The following SHANK2 variants were observed in gnomAD, a reference collection of about 807,000 sequenced individuals.
SHANK2 encodes SH3 and multiple ankyrin repeat domains protein 2.
Under a neutral mutation model 133.7 loss-of-function variants are expected in SHANK2, and 43 were observed. That is an observed-to-expected ratio of 0.32 (90% CI 0.25 to 0.41). The LOEUF is 0.41. Ranked by LOEUF, SHANK2 falls within the 10% of genes least tolerant of loss-of-function variation. The pLI is 1.00. For synonymous variants in SHANK2, 1,017 were observed against 952.8 expected, an observed-to-expected ratio of 1.07 and a Z score of -1.24; for missense variants, 1,994 against 2,235.8, an observed-to-expected ratio of 0.89 and a Z score of 2.18.
chr11:70,633,158 CATATTT>C (rs1258161345), intron 17 of SHANK2, among the ~76,000 whole-genome samples: 3 of 149,116 alleles, frequency 2.0e-5, no homozygotes, highest in African/African-American at 7.4e-5. Flanking sequence ...TTATATATAA[CATATTT>C]ATACATATAT....
intron 17 of SHANK2, among the ~76,000 whole-genome samples, chr11:70,600,872 C>T (rs544492743): frequency 2.1e-4 from 32 of 152,216 alleles, no homozygotes; most frequent in African/African-American, 7.0e-4. Context: ...AACAGCTTTA[C>T]AAACTCTTGG....
chr11:70,724,595 C>A (rs781798901), intron 14 of SHANK2, among the ~76,000 whole-genome samples: 1 of 152,204 alleles, frequency 6.6e-6, no homozygotes, highest in Non-Finnish European at 1.5e-5. Flanking sequence ...TATCAGACAG[C>A]ATCCAATTTA....
chr11:71,059,079 C>T (rs1013214485), intron 9 of SHANK2, among the ~76,000 whole-genome samples: 26 of 152,126 alleles, frequency 1.7e-4, no homozygotes, highest in South Asian at 4.2e-4. Context: ...TAGCTGGGTG[C>T]GGTGGCAGGT....
intron 2 of SHANK2, among the ~76,000 whole-genome samples, chr11:71,216,715 G>A (rs541621355): frequency 1.1e-4 from 17 of 152,288 alleles, no homozygotes; most frequent in African/African-American, 3.6e-4. Context: ...CCCCAGGGAC[G>A]TCGTAGCTCA....
intron 1 of SHANK2, among the ~76,000 whole-genome samples, chr11:71,241,095 T>C (rs1325341317): frequency 5.3e-5 from 8 of 152,150 alleles, no homozygotes; most frequent in Non-Finnish European, 1.2e-4. Context: ...TTGAGAACAC[T>C]GGTGAAAGCT....
At chr11:70,696,279 C>G (rs952475247) in intron 15 of SHANK2, among the ~76,000 whole-genome samples, 2 of 152,188 alleles carry the variant, frequency 1.3e-5, no homozygotes, top group African/African-American at 2.4e-5. Flanking sequence ...CTGCTGTTAG[C>G]CATGTGTCAC....
chr11:70,746,144 G>A (rs377180575), intron 14 of SHANK2, among the ~76,000 whole-genome samples: 20 of 152,224 alleles, frequency 1.3e-4, no homozygotes, highest in African/African-American at 4.8e-4. Flanking sequence ...ACTCTGACAC[G>A]GTCCAGGAGG....
intron 14 of SHANK2, among the ~76,000 whole-genome samples, chr11:70,735,910 C>T (rs1565279419): frequency 6.6e-6 from 1 of 152,022 alleles, no homozygotes; most frequent in Admixed American, 6.6e-5. Flanking sequence ...CATCACCATC[C>T]TAGCTGCTCA....
chr11:71,139,144 T>C (rs1952504086), intron 3 of SHANK2, among the ~76,000 whole-genome samples: 1 of 152,152 alleles, frequency 6.6e-6, no homozygotes, highest in Non-Finnish European at 1.5e-5. Flanking sequence ...ACACTCATTT[T>C]CCCTGAGCGT....
intron 2 of SHANK2, among the ~76,000 whole-genome samples, chr11:71,202,328 C>T (rs1555117268): frequency 6.6e-6 from 1 of 152,204 alleles, no homozygotes; most frequent in African/African-American, 2.4e-5. Flanking sequence ...TGCACAGCAG[C>T]ACAGAGGGCA....
intron 10 of SHANK2, among the ~76,000 whole-genome samples, chr11:70,919,791 T>C (rs1555080452): frequency 6.6e-6 from 1 of 152,252 alleles, no homozygotes; most frequent in Non-Finnish European, 1.5e-5. Context: ...TCCTACTCTC[T>C]GCTTCTATGA....
At chr11:70,941,651 C>G (rs1950650083) in intron 10 of SHANK2, among the ~76,000 whole-genome samples, 1 of 152,002 alleles carries the variant, frequency 6.6e-6, no homozygotes, top group South Asian at 2.1e-4. Flanking sequence ...CACCAGAGAG[C>G]CAGCTCACTC....
chr11:71,169,644 G>A (rs1407661484), intron 2 of SHANK2, among the ~76,000 whole-genome samples: 3 of 151,760 alleles, frequency 2.0e-5, no homozygotes, highest in African/African-American at 7.3e-5. Context: ...CCAGCTACTC[G>A]GGAGGCTAAG....
chr11:71,081,817 C>A (rs1185360663), intron 8 of SHANK2, among the ~76,000 whole-genome samples: 1 of 152,216 alleles, frequency 6.6e-6, no homozygotes, highest in Non-Finnish European at 1.5e-5. Flanking sequence ...CGGCTCCAGA[C>A]ACGGGGGCCA....
chr11:70,720,716 T>C (rs1946056971), intron 14 of SHANK2, among the ~76,000 whole-genome samples: 1 of 152,226 alleles, frequency 6.6e-6, no homozygotes, highest in Non-Finnish European at 1.5e-5. Flanking sequence ...GCGGTATACA[T>C]GTGCTGACAC....
At chr11:71,220,329 A>T (rs1327949226) in intron 2 of SHANK2, among the ~76,000 whole-genome samples, 2 of 152,184 alleles carry the variant, frequency 1.3e-5, no homozygotes, top group Non-Finnish European at 2.9e-5. Context: ...TGCTGGTGGG[A>T]ATGTAAAATA....
At chr11:71,158,645 G>A (rs1952950986) in intron 2 of SHANK2, among the ~76,000 whole-genome samples, 1 of 152,184 alleles carries the variant, frequency 6.6e-6, no homozygotes, top group Admixed American at 6.5e-5. Flanking sequence ...AAGATGGAGA[G>A]CCACATAAAA....
intron 2 of SHANK2, among the ~76,000 whole-genome samples, chr11:71,195,659 C>T (rs1953889952): frequency 6.6e-6 from 1 of 152,190 alleles, no homozygotes; most frequent in African/African-American, 2.4e-5. Flanking sequence ...CAGAGGCCCA[C>T]TCTTAAAGGA....
intron 14 of SHANK2, among the ~76,000 whole-genome samples, chr11:70,754,271 C>G (rs1565293484): frequency 6.6e-6 from 1 of 152,154 alleles, no homozygotes; most frequent in Non-Finnish European, 1.5e-5. Flanking sequence ...TTTATAAGGG[C>G]AGCATTATTC....
Sources: allele counts gnomAD v4.1 joint callset (sites outside exome capture counted in the v4.1 genomes callset), GRCh38; gene constraint gnomAD v4.1.1; transcripts MANE v1.5; gene names NCBI Gene and HGNC (gene_info 2026-07-23, HGNC 2026-07-21).